The following RBM33 variants were observed in gnomAD, a reference collection of about 807,000 sequenced individuals.
RBM33 encodes the protein RNA binding motif protein 33, also known as RNA-binding protein 33.
A neutral mutation model predicts 132.6 loss-of-function variants in RBM33; 28 were observed. The observed-to-expected ratio is 0.21, with a 90% CI of 0.16 to 0.29. The LOEUF is 0.29. RBM33 is among the 10% of genes least tolerant of loss of function. The probability of loss-of-function intolerance (pLI) is 1.00; values close to 1 mark genes in which losing one functional copy is unlikely to be tolerated. For missense variants in RBM33, 1,291 were observed against 1,518.5 expected, an observed-to-expected ratio of 0.85 and a Z score of 2.49; for synonymous variants, 634 against 593.0, an observed-to-expected ratio of 1.07 and a Z score of -1.01.
At position 155,769,105 on chromosome 7, in the gene RBM33, C is replaced by T. The variant is rs568589348; in HGVS notation, c.3375+2450C>T. Among the ~76,000 whole-genome samples the T allele has an allele frequency of 3.3e-5, 5 of 152,236 alleles. No homozygotes were observed. The East Asian group carries it at 7.7e-4, about 24-fold the overall frequency. ...TCAGTGAGGAAGAATGAGAAGATTT[C>T]GTAGAAATGTCATAACCAGAAGATG... On this transcript the variant is annotated intron_variant, in intron 16 of 17. Transcript: ENST00000401878.
intron 8 of RBM33, among the ~76,000 whole-genome samples, chr7:155,714,268 A>G (rs541364118): frequency 6.6e-6 from 1 of 152,326 alleles, no homozygotes; most frequent in African/African-American, 2.4e-5. Context: ...GGCAGTGCTG[A>G]TAACGATGGG....
At chr7:155,705,835 C>A (rs2116967084) in intron 6 of RBM33, among the ~76,000 whole-genome samples, 1 of 152,326 alleles carries the variant, frequency 6.6e-6, no homozygotes, top group South Asian at 2.1e-4. Context: ...CAGTGAGCAG[C>A]TGCTGGACAC....
Position 155,680,629 on chromosome 7 carries a change from C to T in RBM33, c.288C>T (p.Gly96=), listed in dbSNP as rs1799312485. The change falls in exon 5 of 18, where the codon GGC becomes GGT. Residue 96 remains glycine (G), a synonymous_variant. Transcript: ENST00000401878. ...CAATTAGTCTGAATGCTACATCTGGCATGGTTACATCATTTGAACTCTCTG... is the reference window on the plus strand; with the variant it reads ...CAATTAGTCTGAATGCTACATCTGGTATGGTTACATCATTTGAACTCTCTG... ...GVTISLNATS[G]MVTSFELSDN... 2 of 1,606,346 alleles carry T rather than the reference C, an allele frequency of 1.2e-6. No homozygotes were observed. Among genetic ancestry groups the T allele is most frequent in the South Asian group, 1.1e-5 (1 of 90,072 alleles).
In RBM33 at chr7:155,735,521, A is replaced by G. The variant is rs146114121; in HGVS notation, c.1261-2009A>G. Reference sequence around the variant, plus strand: ...GGCGTTCAAGACCAACTTGGGCAACATAGCAAGACCCTGCCTCTACAAAAA... The same window carrying G: ...GGCGTTCAAGACCAACTTGGGCAACGTAGCAAGACCCTGCCTCTACAAAAA... On this transcript the variant is annotated intron_variant, in intron 9 of 17. Transcript: ENST00000401878. Among the ~76,000 whole-genome samples, 1,264 of 151,892 alleles carry G rather than the reference A, an allele frequency of 8.3e-3. 13 individuals are homozygous for G. Among genetic ancestry groups the G allele is most frequent in the African/African-American group, 0.029 (1,201 of 41,234 alleles).
rs73502343 is a variant in RBM33 at position 155,764,008 on chromosome 7, C to T, written c.3176C>T (p.Pro1059Leu). Residue 1059 changes from proline to leucine, a missense_variant, in exon 15 of 18, where the codon CCG becomes CTG. Transcript: ENST00000401878. ...ATCAAAAGCATCCAAGGAATTCACC[C>T]GGCGAAGAAGGTACTGCTTGTTGCC... ...PGIKSIQGIH[P>L]AKKAIMHGRG... 1.0e-3 allele frequency: 1,548 copies of T among 1,544,178 alleles called. 20 individuals carry two copies. In the African/African-American group the frequency reaches 0.017, roughly 17 times the overall value.
rs372510379 is a variant in RBM33 at position 155,737,590 on chromosome 7, C to G, written c.1321C>G (p.Pro441Ala). The G allele has an allele frequency of 2.5e-6, 4 of 1,613,366 alleles. No individual in the cohort carries two copies. Among genetic ancestry groups the G allele is most frequent in the Non-Finnish European group, 3.4e-6 (4 of 1,179,656 alleles). The change falls in exon 10 of 18, where the codon CCA (proline) becomes GCA (alanine). Residue 441 changes from proline to alanine, a missense_variant. Physicochemically the swap from Pro to Ala is conservative, Grantham distance 27. This residue lies in a region of RBM33 where 841 missense variants were observed against 912.0 expected (regional missense o/e 0.92). Transcript: ENST00000401878. ...TGTTCCCAACAGTTTCAGCCAGCCC[C>G]CACGACTCCCTCTCCAGGACCAGTG... ...GPVPNSFSQP[P>A]RLPLQDQWRA...
intron 1 of RBM33, among the ~76,000 whole-genome samples, chr7:155,663,944 G>A (rs1403156725): frequency 6.6e-6 from 1 of 152,156 alleles, no homozygotes; most frequent in Non-Finnish European, 1.5e-5. Context: ...GTCAGTTCTT[G>A]TATTTTAAAA....
intron 16 of RBM33, among the ~76,000 whole-genome samples, chr7:155,773,143 T>G (rs1482880310): frequency 6.6e-6 from 1 of 152,250 alleles, no homozygotes; most frequent in African/African-American, 2.4e-5. Context: ...CTAGCTATTC[T>G]GTTTCACTGA....
chr7:155,774,179 A>T lies in RBM33; in HGVS notation c.3376-380A>T, dbSNP rs1802530141. Among the ~76,000 whole-genome samples, 1 of 152,202 alleles carries T rather than the reference A, an allele frequency of 6.6e-6. No homozygotes were observed. Among genetic ancestry groups the T allele is most frequent in the South Asian group, 2.1e-4 (1 of 4,834 alleles). ...GTGTGATGAGTCCTGTTCTTAAAAAATTCATGGGGGTCCCTATTAAAAATC... is the reference window on the plus strand; with the variant it reads ...GTGTGATGAGTCCTGTTCTTAAAAATTTCATGGGGGTCCCTATTAAAAATC... On this transcript the variant is annotated intron_variant, in intron 16 of 17. Coordinates refer to ENST00000401878, the MANE Select transcript of RBM33 (RefSeq NM_053043.3). The surrounding 1 kb of genome is among the most constrained non-coding windows in gnomAD (Gnocchi z 4.2).
At chr7:155,659,367 G>A (rs148679933) in intron 1 of RBM33, among the ~76,000 whole-genome samples, 187 of 152,178 alleles carry the variant, frequency 1.2e-3, no homozygotes, top group Non-Finnish European at 1.5e-3. Context: ...AAGGAAATCT[G>A]GAGAATGATA....
intron 3 of RBM33, among the ~76,000 whole-genome samples, chr7:155,674,712 T>A (rs1799128180): frequency 6.6e-6 from 1 of 152,174 alleles, no homozygotes. Context: ...TTGAGCTGAT[T>A]GTTGTAAGTT....
intron 3 of RBM33, among the ~76,000 whole-genome samples, chr7:155,673,729 C>A (rs1256884082): frequency 7.0e-6 from 1 of 143,482 alleles, no homozygotes; most frequent in Non-Finnish European, 1.5e-5. Flanking sequence ...TATACACACA[C>A]ATATATACAT....
chr7:155,674,840 G>C (rs999536743), intron 3 of RBM33, among the ~76,000 whole-genome samples: 7 of 152,100 alleles, frequency 4.6e-5, no homozygotes, highest in Admixed American at 6.5e-5. Flanking sequence ...CAGGAGATGT[G>C]TCTCTCATTT....
At position 155,661,401 on chromosome 7, in the gene RBM33, CTTTCTTTTTT is replaced by C. The variant is rs1411783807; in HGVS notation, c.44-3761_44-3752del. Among the ~76,000 whole-genome samples, 939 of 131,470 alleles carry C rather than the reference CTTTCTTTTTT, an allele frequency of 7.1e-3. 8 individuals carry two copies. The highest frequency in any genetic ancestry group is 0.026 in the African/African-American group (912 of 35,492). 86.2% of individuals were successfully genotyped at this position (131,470 alleles called of 152,430 possible). A position where few individuals can be genotyped will look rare whatever the true frequency, so the allele number is the denominator to read the frequency against. On this transcript the variant is annotated intron_variant, in intron 1 of 17. Transcript: ENST00000401878. ...CCTCCTGAAGTGGTTTTTTTTTTTT[CTTTCTTTTTT>C]TTTCTTTTTTTTCCCAGACAGAGTC... is the stretch of plus-strand genomic sequence containing the variant.
intron 9 of RBM33, among the ~76,000 whole-genome samples, chr7:155,722,937 A>G (rs1247512303): frequency 6.6e-6 from 1 of 152,212 alleles, no homozygotes; most frequent in African/African-American, 2.4e-5. Context: ...GCTGCTGAAT[A>G]ATTTCTTAGT....
At chr7:155,747,916 T>C (rs1031334721) in intron 14 of RBM33, among the ~76,000 whole-genome samples, 2 of 152,256 alleles carry the variant, frequency 1.3e-5, no homozygotes, top group Non-Finnish European at 2.9e-5. Flanking sequence ...TAATGGTGGT[T>C]AATTGCAAAT....
intron 5 of RBM33, among the ~76,000 whole-genome samples, chr7:155,692,989 G>C (rs555362411): frequency 5.5e-4 from 84 of 152,244 alleles, no homozygotes; most frequent in African/African-American, 1.9e-3. Flanking sequence ...AAAGGTGCTC[G>C]TGATGCATTA....
chr7:155,662,522 C>T (rs1238485165), intron 1 of RBM33, among the ~76,000 whole-genome samples: 2 of 152,096 alleles, frequency 1.3e-5, no homozygotes, highest in African/African-American at 4.8e-5. Context: ...TCACCCCGCC[C>T]CCCCCGCTCT....
Position 155,739,820 on chromosome 7 carries a change from C to T in RBM33, c.1843C>T (p.Pro615Ser), listed in dbSNP as rs1585512475. 1 of 1,166,636 alleles carries T rather than the reference C, an allele frequency of 8.6e-7. No homozygotes were observed. The highest frequency in any genetic ancestry group is 2.6e-5 in the East Asian group (1 of 38,550). The allele number at this position is 1,166,636 out of a possible 1,614,324, so 72.3% of individuals were successfully genotyped here. A position where few individuals can be genotyped will look rare whatever the true frequency, so the allele number is the denominator to read the frequency against. Residue 615 changes from proline to serine, a missense_variant, in exon 12 of 18, where the codon CCC (proline) becomes TCC (serine). Transcript: ENST00000401878. ...HQPPHQPPHQ[P>S]PPQHQPPPQH... ...GCCTCCGCACCAGCCCCCGCACCAG[C>T]CCCCGCCCCAGCACCAGCCCCCACC...
Sources: allele counts gnomAD v4.1 joint callset (sites outside exome capture counted in the v4.1 genomes callset), GRCh38; gene constraint gnomAD v4.1.1; regional missense constraint gnomAD v4.1.1; non-coding constraint Gnocchi (gnomAD v3.1); transcripts MANE v1.5; gene names NCBI Gene and HGNC (gene_info 2026-07-23, HGNC 2026-07-21).